Variants in ANKRD52 observed in about 807,000 individuals in gnomAD.
ANKRD52 encodes serine/threonine-protein phosphatase 6 regulatory ankyrin repeat subunit C.
Under a neutral mutation model 116.0 loss-of-function variants are expected in ANKRD52, and 7 were observed. The observed-to-expected ratio is 0.06, with a 90% confidence interval of 0.03 to 0.11. The LOEUF (loss-of-function observed/expected upper bound fraction) is 0.11, where lower values mean the gene tolerates loss of function less well. Ranked by LOEUF, ANKRD52 falls within the 10% of genes least tolerant of loss-of-function variation. The pLI is 1.00. For synonymous variants in ANKRD52, 528 were observed against 578.1 expected (o/e 0.91, Z 1.24); for missense variants, 839 against 1,408.6 (o/e 0.60, Z 6.47).
chr12:56,245,677 TA>T, intron 20 of ANKRD52, 81 bp from the exon 21 acceptor site: 1 of 1,223,776 alleles, frequency 8.2e-7, no homozygotes, highest in Non-Finnish European at 1.1e-6. Flanking sequence ...GGCTCAGGAG[TA>T]AGAACCACTT....
intron 20 of ANKRD52, 56 bp downstream of exon 20, chr12:56,247,437 C>T: frequency 3.5e-6 from 5 of 1,415,082 alleles, no homozygotes; most frequent in Non-Finnish European, 2.9e-6. Flanking sequence ...CTGGTGAGTC[C>T]CATGCTCCCA....
Position 56,248,556 on chromosome 12 carries a change from A to G in ANKRD52, c.1715T>C (p.Met572Thr). Residue 572 changes from methionine to threonine, a missense_variant, in exon 17 of 28, where the codon ATG becomes ACG. This residue lies in a region of ANKRD52 where 552 missense variants were observed against 810.6 expected (regional missense o/e 0.68). Coordinates refer to ENST00000267116, the MANE Select transcript of ANKRD52 (RefSeq NM_173595.4). This position sits in a 1 kb window ranked among gnomAD's most constrained non-coding sequence, Gnocchi z 5.1. ...NRQNLELLLE[M>T]SFNCLEDVES... is the part of the protein sequence containing the mutation. ...CACATCCTCCAGGCAGTTAAAGGAC[A>G]TTTCTAAGAGCTGCAAAGGACAGGA... 3 of 1,592,356 alleles carry G rather than the reference A, an allele frequency of 1.9e-6. No individual in the cohort carries two copies. The highest frequency in any genetic ancestry group is 2.7e-5 in the African/African-American group (2 of 74,626).
In ANKRD52 at chr12:56,255,174, A is replaced by T; in HGVS notation, c.463-222T>A. ...GGAAACAAGAGAGTCTCTTCAGGTG[A>T]TCTGGTGGTTCTTAAACTCTTTTTT... On this transcript the variant is annotated intron_variant, in intron 5 of 27. Transcript: ENST00000267116. The surrounding 1 kb of genome is among the most constrained non-coding windows in gnomAD (Gnocchi z 4.3). The T allele has an allele frequency of 9.2e-6, 4 of 435,062 alleles. No homozygotes were observed. Among genetic ancestry groups the T allele is most frequent in the East Asian group, 3.5e-5 (1 of 28,654 alleles). The allele number at this position is 435,062 out of a possible 1,614,324, so 27.0% of individuals were successfully genotyped here.
Position 56,248,935 on chromosome 12 carries a change from A to AG in ANKRD52, c.1593-66dup. ...CAGCCCAGGAGGGCACAGTTCTGGGAGGGCCAGAGGAGAGGACCAAGGCCC... is the reference window on the plus strand; with the variant it reads ...CAGCCCAGGAGGGCACAGTTCTGGGAGGGGCCAGAGGAGAGGACCAAGGCCC... On this transcript the variant is annotated intron_variant, in intron 15 of 27. Transcript: ENST00000267116. The surrounding 1 kb of genome is among the most constrained non-coding windows in gnomAD (Gnocchi z 5.1). The AG allele has an allele frequency of 8.1e-7, 1 of 1,235,610 alleles. No individual in the cohort carries two copies. 76.5% of individuals were successfully genotyped at this position (1,235,610 alleles called of 1,614,324 possible).
In ANKRD52 at chr12:56,257,072, A is replaced by G. The variant is rs1871988064; in HGVS notation, c.204T>C (p.Asn68=). Residue 68 remains asparagine (N), a synonymous_variant, in exon 4 of 28, where the codon AAT becomes AAC. Coordinates refer to ENST00000267116, the MANE Select transcript of ANKRD52 (RefSeq NM_173595.4). ...QLLLMSGANV[N]AKDTLWLTPL... is the part of the protein sequence containing the mutation. ...GGGTCAGCCACAGTGTGTCCTTAGC[A>G]TTGACATTAGCACCTGTGGGGATAT... 1 of 1,613,206 alleles carries G rather than the reference A, an allele frequency of 6.2e-7. No individual in the cohort carries two copies. The highest frequency in any genetic ancestry group is 1.3e-5 in the African/African-American group (1 of 74,866).
rs747532024 is a variant in ANKRD52, at chr12:56,243,889, G to A, written c.2889-13C>T. 38 of 1,571,120 alleles carry A rather than the reference G, an allele frequency of 2.4e-5. No individual in the cohort carries two copies. The South Asian group carries it at 4.2e-4, about 17-fold the overall frequency. ...AATGTGGAGTGGCCTTGGAAAAAAG[G>A]AAAAAGAAGGAGCTTGATGCTAAGC... On this transcript the variant is annotated splice_polypyrimidine_tract_variant and intron_variant, in intron 26 of 27. Transcript: ENST00000267116. This position sits in a 1 kb window ranked among gnomAD's most constrained non-coding sequence, Gnocchi z 4.6.
rs759927367 is a variant in ANKRD52 at position 56,244,912 on chromosome 12, T to C, written c.2570A>G (p.Lys857Arg). The change falls in exon 23 of 28, where the codon AAA becomes AGA. Residue 857 changes from lysine to arginine, a missense_variant. Coordinates refer to ENST00000267116, the MANE Select transcript of ANKRD52 (RefSeq NM_173595.4). This position sits in a 1 kb window ranked among gnomAD's most constrained non-coding sequence, Gnocchi z 4.9. The stretch of plus-strand genomic sequence containing the variant: ...CAAGTCTTCCATCACTCACCGTCCT[T>C]TGGCATCTCGGCTGTTCACAATCTT... ...GAKIVNSRDA[K>R]GRTPLHAAAF... 1 of 1,613,894 alleles carries C rather than the reference T, an allele frequency of 6.2e-7. No individual in the cohort carries two copies. The highest frequency in any genetic ancestry group is 1.7e-5 in the Admixed American group (1 of 60,004).
chr12:56,248,582 A>G lies in ANKRD52; in HGVS notation c.1705-16T>C, dbSNP rs748401085. 10 of 1,579,302 alleles carry G rather than the reference A, an allele frequency of 6.3e-6. No individual in the cohort carries two copies. In the South Asian group the frequency reaches 1.2e-4, roughly 18 times the overall value. ...TTTCTAAGAGCTGCAAAGGACAGGA[A>G]AGTAGGTGCTGAGACTCTGGAACTC... is the stretch of plus-strand genomic sequence containing the variant. On this transcript the variant is annotated splice_polypyrimidine_tract_variant and intron_variant, in intron 16 of 27. Transcript: ENST00000267116. This position sits in a 1 kb window ranked among gnomAD's most constrained non-coding sequence, Gnocchi z 5.1.
chr12:56,246,961 TAATAATAATAATAAAC>T (rs1320013591), intron 20 of ANKRD52, among the ~76,000 whole-genome samples: 1 of 140,286 alleles, frequency 7.1e-6, no homozygotes, highest in Non-Finnish European at 1.5e-5. Flanking sequence ...ATAATAATAA[TAATAATAATAATAAAC>T]AAAGCACAGA....
chr12:56,254,457 T>A lies in ANKRD52; in HGVS notation c.693+121A>T. ...AGGTAAGCATTATTCAGACCCTCTC[T>A]ACCACGTCCTTCCAACTTCCCAAAA... On this transcript the variant is annotated intron_variant, in intron 7 of 27. Coordinates refer to ENST00000267116, the MANE Select transcript of ANKRD52 (RefSeq NM_173595.4). This position sits in a 1 kb window ranked among gnomAD's most constrained non-coding sequence, Gnocchi z 4.6. 3.4e-6 allele frequency: 5 copies of A among 1,489,454 alleles called. No homozygotes were observed. The highest frequency in any genetic ancestry group is 4.5e-6 in the Non-Finnish European group (5 of 1,108,172). The allele number at this position is 1,489,454 out of a possible 1,614,324, so 92.3% of individuals were successfully genotyped here.
intron 21 of ANKRD52, 25 bp from the exon 22 acceptor site, chr12:56,245,215 T>C (rs1163295193): frequency 6.2e-7 from 1 of 1,613,196 alleles, no homozygotes; most frequent in South Asian, 1.1e-5. Flanking sequence ...GGAAGAGTAG[T>C]GATGGAGAAA....
chr12:56,252,192 AGCG>A lies in ANKRD52; in HGVS notation c.1491_1493del (p.Ala498del). ...AGCCTCACCTCCTGTAAGTGTCAGA[AGCG>A]GCAGCGTAGTGGAGGGGAGAGCAGC... is the stretch of plus-strand genomic sequence containing the variant. On this transcript the variant is annotated inframe_deletion, in exon 14 of 28. Transcript: ENST00000267116. This position sits in a 1 kb window ranked among gnomAD's most constrained non-coding sequence, Gnocchi z 4.7. The A allele has an allele frequency of 6.2e-7, 1 of 1,614,018 alleles. No homozygotes were observed. Among genetic ancestry groups the A allele is most frequent in the Non-Finnish European group, 8.5e-7 (1 of 1,179,900 alleles).
chr12:56,248,829 A>C lies in ANKRD52; in HGVS notation c.1634T>G (p.Leu545Arg). 1.2e-6 allele frequency: 2 copies of C among 1,610,784 alleles called. No homozygotes were observed. The highest frequency in any genetic ancestry group is 1.1e-5 in the South Asian group (1 of 90,508). The part of the protein sequence containing the change: ...FLLDNGADPS[L>R]RDRQGYTAVH... ...AGCTGTGTAGCCCTGCCTGTCCCGC[A>C]GGGAGGGGTCTGCACCGTTATCCAG... The change falls in exon 16 of 28, where the codon CTG (leucine) becomes CGG (arginine). Residue 545 changes from leucine (L) to arginine (R), a missense_variant. Transcript: ENST00000267116. The surrounding 1 kb of genome is among the most constrained non-coding windows in gnomAD (Gnocchi z 5.1).
Position 56,253,475 on chromosome 12 carries a change from T to C in ANKRD52, c.986-73A>G. 2 of 1,192,862 alleles carry C rather than the reference T, an allele frequency of 1.7e-6. No homozygotes were observed. Among genetic ancestry groups the C allele is most frequent in the South Asian group, 2.6e-5 (2 of 77,562 alleles). The allele number at this position is 1,192,862 out of a possible 1,614,324, so 73.9% of individuals were successfully genotyped here. The stretch of plus-strand genomic sequence containing the variant: ...GACCACTTTCGCGAGCTAGCCATGA[T>C]TTGAGTGCCTACTATGTATGCATCA... On this transcript the variant is annotated intron_variant, in intron 9 of 27. Transcript: ENST00000267116. The surrounding 1 kb of genome is among the most constrained non-coding windows in gnomAD (Gnocchi z 5.5).
In ANKRD52 at chr12:56,244,888, A is replaced by C. The variant is rs778399068; in HGVS notation, c.2576+18T>G. Reference sequence around the variant, plus strand: ...GCCAGAGGCAACTGGGATTCTTCCCAAGTCTTCCATCACTCACCGTCCTTT... The same window carrying C: ...GCCAGAGGCAACTGGGATTCTTCCCCAGTCTTCCATCACTCACCGTCCTTT... On this transcript the variant is annotated intron_variant, in intron 23 of 27. Transcript: ENST00000267116. This position sits in a 1 kb window ranked among gnomAD's most constrained non-coding sequence, Gnocchi z 4.9. The C allele has an allele frequency of 1.2e-6, 2 of 1,613,976 alleles. No individual in the cohort carries two copies. The highest frequency in any genetic ancestry group is 1.7e-6 in the Non-Finnish European group (2 of 1,179,876).
In ANKRD52 at chr12:56,248,617, T is replaced by C. The variant is rs1174180420; in HGVS notation, c.1705-51A>G. On this transcript the variant is annotated intron_variant, in intron 16 of 27. Transcript: ENST00000267116. The surrounding 1 kb of genome is among the most constrained non-coding windows in gnomAD (Gnocchi z 5.1). ...TGAGACTCTGGAACTCCCAAGATAG[T>C]ACCCCAGTCCCCGACTCGCAGTAAT... is the stretch of plus-strand genomic sequence containing the variant. 2 of 1,530,130 alleles carry C rather than the reference T, an allele frequency of 1.3e-6. No homozygotes were observed. The highest frequency in any genetic ancestry group is 1.8e-6 in the Non-Finnish European group (2 of 1,123,846). The allele number at this position is 1,530,130 out of a possible 1,614,324, so 94.8% of individuals were successfully genotyped here.
Position 56,243,946 on chromosome 12 carries a change from GT to G in ANKRD52, c.2889-71del. 2 of 1,600,980 alleles carry G rather than the reference GT, an allele frequency of 1.2e-6. No homozygotes were observed. The highest frequency in any genetic ancestry group is 3.4e-5 in the Admixed American group (2 of 58,686). On this transcript the variant is annotated intron_variant, in intron 26 of 27. Coordinates refer to ENST00000267116, the MANE Select transcript of ANKRD52 (RefSeq NM_173595.4). This position sits in a 1 kb window ranked among gnomAD's most constrained non-coding sequence, Gnocchi z 4.6. The stretch of plus-strand genomic sequence containing the variant: ...TCCACCTCCAGACAGGGTGGCAAGG[GT>G]GCTGAACAAATACAATGGGCTCCAG...
Position 56,252,244 on chromosome 12 carries a change from C to T in ANKRD52, c.1442G>A (p.Gly481Asp). ...CAVTLVTAGAGVNEADCKGCS... is the reference protein window; with the variant it reads ...CAVTLVTAGADVNEADCKGCS... ...GCCTTTACAGTCGGCCTCGTTGACA[C>T]CTGCCCCAGCAGTCACCAATGTTAC... Residue 481 changes from glycine to aspartate, a missense_variant, in exon 14 of 28, where the codon GGT becomes GAT. Around this residue, in one of 2 missense-constraint regions of ANKRD52, gnomAD observed 552 missense variants for 810.6 expected, o/e 0.68. Transcript: ENST00000267116. This position sits in a 1 kb window ranked among gnomAD's most constrained non-coding sequence, Gnocchi z 4.7. 1 of 1,613,974 alleles carries T rather than the reference C, an allele frequency of 6.2e-7. No homozygotes were observed. The highest frequency in any genetic ancestry group is 2.2e-5 in the East Asian group (1 of 44,882).
chr12:56,257,855 G>C lies in ANKRD52; in HGVS notation c.84C>G (p.Leu28=), dbSNP rs1454505447. ...SRDVEEVRSL[L]SQKENINVLD... is the part of the protein sequence containing the mutation. ...GCACATTGATGTTCTCCTTCTGCGAGAGTAGGGAACGCACTTCCTCCACAT... is the reference window on the plus strand; with the variant it reads ...GCACATTGATGTTCTCCTTCTGCGACAGTAGGGAACGCACTTCCTCCACAT... Residue 28 remains leucine, a synonymous_variant, in exon 2 of 28, where the codon CTC becomes CTG. Transcript: ENST00000267116. 1.2e-6 allele frequency: 2 copies of C among 1,613,692 alleles called. No homozygotes were observed. Among genetic ancestry groups the C allele is most frequent in the Admixed American group, 1.7e-5 (1 of 59,994 alleles).
Sources: allele counts gnomAD v4.1 joint callset (sites outside exome capture counted in the v4.1 genomes callset), GRCh38; gene constraint gnomAD v4.1.1; regional missense constraint gnomAD v4.1.1; non-coding constraint Gnocchi (gnomAD v3.1); transcripts MANE v1.5; gene names NCBI Gene and HGNC (gene_info 2026-07-23, HGNC 2026-07-21).